SCNN1B: variants seen among roughly 807,000 people sequenced by gnomAD.
SCNN1B encodes sodium channel epithelial 1 subunit beta.
A neutral mutation model predicts 65.3 loss-of-function variants in SCNN1B; 46 were observed. The observed-to-expected ratio is 0.70, with a 90% CI of 0.56 to 0.90. The LOEUF (loss-of-function observed/expected upper bound fraction) is 0.90, where lower values mean the gene tolerates loss of function less well. Among genes scored for constraint, SCNN1B ranks in the 40% least tolerant of loss-of-function variants. SCNN1B has a pLI of 0.00. For missense variants in SCNN1B, 751 were observed against 830.5 expected, an observed-to-expected ratio of 0.90 and a Z score of 1.18; for synonymous variants, 349 against 330.6, an observed-to-expected ratio of 1.06 and a Z score of -0.60.
upstream of SCNN1B, among the ~76,000 whole-genome samples, chr16:23,297,431 T>C (rs1377365965): frequency 1.3e-5 from 2 of 152,236 alleles, no homozygotes; most frequent in African/African-American, 4.8e-5. Context: ...CAAGATGGCT[T>C]AGCAAAAAGG....
chr16:23,295,707 A>G (rs1960987710), intron 2 of SCNN1B, among the ~76,000 whole-genome samples: 1 of 152,138 alleles, frequency 6.6e-6, no homozygotes, highest in Admixed American at 6.6e-5. Flanking sequence ...TTTGAAAATG[A>G]CAGAATATAT....
chr16:23,377,274 G>A, intron 9 of SCNN1B, 34 bp downstream of exon 9: 3 of 1,614,114 alleles, frequency 1.9e-6, no homozygotes, highest in Non-Finnish European at 2.5e-6. Context: ...GCAGCGGGCA[G>A]GCATGGAGGG....
At chr16:23,322,874 T>C (rs888437736) in intron 1 of SCNN1B, among the ~76,000 whole-genome samples, 1 of 152,056 alleles carries the variant, frequency 6.6e-6, no homozygotes, top group African/African-American at 2.4e-5. Context: ...TCCACATTAT[T>C]GGTCCTCAGA....
At position 23,360,233 on chromosome 16, in the gene SCNN1B, T is replaced by TAAATAAATAAAC. The variant is rs1283208203; in HGVS notation, c.776+4755_776+4756insCAAATAAATAAA. Among the ~76,000 whole-genome samples the TAAATAAATAAAC allele has an allele frequency of 1.5e-3, 207 of 142,628 alleles. 1 individual carries two copies. Among genetic ancestry groups the TAAATAAATAAAC allele is most frequent in the African/African-American group, 5.7e-3 (194 of 34,318 alleles). 93.6% of individuals were successfully genotyped at this position (142,628 alleles called of 152,430 possible). Reference sequence around the variant, plus strand: ...ATAAATAAATAAATAAATAAACAAATAAATAAATAAATAAAAAGGCTTTTG... The same window carrying TAAATAAATAAAC: ...ATAAATAAATAAATAAATAAACAAATAAATAAATAAACAAATAAATAAATAAAAAGGCTTTTG... On this transcript the variant is annotated intron_variant, in intron 4 of 12. Coordinates refer to ENST00000343070, the MANE Select transcript of SCNN1B (RefSeq NM_000336.3).
chr16:23,357,851 G>A (rs1045344550), intron 4 of SCNN1B, among the ~76,000 whole-genome samples: 17 of 152,206 alleles, frequency 1.1e-4, no homozygotes, highest in Non-Finnish European at 2.1e-4. Flanking sequence ...GGGCACACCC[G>A]CCAACCACAC....
chr16:23,339,802 A>G (rs1019550291), intron 1 of SCNN1B, among the ~76,000 whole-genome samples: 4 of 152,072 alleles, frequency 2.6e-5, no homozygotes, highest in African/African-American at 9.7e-5. Flanking sequence ...CCTGACCTCA[A>G]GTGATCCACC....
chr16:23,366,297 C>T (rs540841429), intron 4 of SCNN1B, among the ~76,000 whole-genome samples: 2 of 152,276 alleles, frequency 1.3e-5, no homozygotes, highest in Admixed American at 1.3e-4. Context: ...CTCAACCTCC[C>T]CAGGCTCAGG....
intron 1 of SCNN1B, among the ~76,000 whole-genome samples, chr16:23,282,639 C>A (rs1447503330): frequency 6.6e-6 from 1 of 152,164 alleles, no homozygotes; most frequent in African/African-American, 2.4e-5. Context: ...CTAGCTAAAA[C>A]AGGGCCAGAG....
intron 1 of SCNN1B, among the ~76,000 whole-genome samples, chr16:23,339,580 T>TTAC (rs1169036560): frequency 2.0e-5 from 3 of 151,572 alleles, no homozygotes; most frequent in South Asian, 2.1e-4. Context: ...ATTATTATTA[T>TTAC]TTTGAGATGG....
At chr16:23,365,587 G>GAAAA in intron 4 of SCNN1B, among the ~76,000 whole-genome samples, 1 of 87,000 alleles carries the variant, frequency 1.1e-5, no homozygotes, top group African/African-American at 6.2e-5. Flanking sequence ...AAGAAAGAAA[G>GAAAA]AGAAAGAAAG....
At chr16:23,354,007 G>C (rs564742577) in intron 3 of SCNN1B, among the ~76,000 whole-genome samples, 1 of 152,292 alleles carries the variant, frequency 6.6e-6, no homozygotes, top group African/African-American at 2.4e-5. Context: ...AATCAATCTT[G>C]GATGGGGATC....
chr16:23,297,771 C>T (rs1196270656), upstream of SCNN1B, among the ~76,000 whole-genome samples: 6 of 152,152 alleles, frequency 3.9e-5, no homozygotes, highest in Non-Finnish European at 7.4e-5. Context: ...GCCATATCCA[C>T]CCTGAATGGG....
At chr16:23,371,996 T>G in intron 7 of SCNN1B, 113 bp downstream of exon 7, 1 of 833,066 alleles carries the variant, frequency 1.2e-6, no homozygotes, top group South Asian at 1.4e-5. Flanking sequence ...GCTGGGCCTT[T>G]GTAGGTTGCC....
chr16:23,346,200 CTTTTTT>C (rs753802362), intron 1 of SCNN1B, among the ~76,000 whole-genome samples: 1,467 of 77,628 alleles, frequency 0.019, 2 homozygotes, highest in Non-Finnish European at 0.027. Flanking sequence ...TTTTCCTTTT[CTTTTTT>C]TTTTTTTTTT....
chr16:23,341,787 C>T (rs1962059777), intron 1 of SCNN1B, among the ~76,000 whole-genome samples: 1 of 152,194 alleles, frequency 6.6e-6, no homozygotes, highest in South Asian at 2.1e-4. Context: ...TATCACTTCA[C>T]ACCCCATTAA....
intron 1 of SCNN1B, among the ~76,000 whole-genome samples, chr16:23,345,788 G>A (rs1377156094): frequency 2.0e-5 from 3 of 152,326 alleles, no homozygotes; most frequent in Non-Finnish European, 4.4e-5. Context: ...GCTGGGCACA[G>A]AGGAACCACA....
chr16:23,323,655 C>T (rs1365268250), intron 1 of SCNN1B: 1 of 700,420 alleles, frequency 1.4e-6, no homozygotes, highest in Admixed American at 2.0e-5. Context: ...AACCACTACC[C>T]CATTGTAAAG....
intron 1 of SCNN1B, among the ~76,000 whole-genome samples, chr16:23,322,124 TTTTG>T (rs564847150): frequency 3.9e-5 from 6 of 152,148 alleles, no homozygotes; most frequent in Non-Finnish European, 7.4e-5. Context: ...ATACAACAGT[TTTTG>T]TTTGTTTGTT....
intron 1 of SCNN1B, among the ~76,000 whole-genome samples, chr16:23,305,451 G>T (rs1184166770): frequency 6.9e-6 from 1 of 145,188 alleles, no homozygotes; most frequent in African/African-American, 2.5e-5. Flanking sequence ...TTAGGAGATC[G>T]AGACCAGCGA....
Sources: gnomAD v4.1 joint callset for allele counts (sites outside exome capture counted in the v4.1 genomes callset) on GRCh38, gnomAD v4.1.1 for gene constraint, MANE v1.5 for transcripts, NCBI Gene and HGNC (gene_info 2026-07-23, HGNC 2026-07-21) for gene names.